The following TMEM26 variants were observed in gnomAD, a reference collection of about 807,000 sequenced individuals.
TMEM26 encodes transmembrane protein 26.
TMEM26 carries 38 observed loss-of-function variants against 28.8 expected under a neutral mutation model. The observed-to-expected ratio is 1.32, with a 90% CI of 1.02 to 1.73. The LOEUF (loss-of-function observed/expected upper bound fraction) is 1.73, where lower values mean the gene tolerates loss of function less well. Among genes scored for constraint, TMEM26 ranks in the 40% most tolerant of loss-of-function variants. TMEM26 has a pLI of 0.00. For missense variants in TMEM26, 518 were observed against 447.1 expected (o/e 1.16, Z -1.43); for synonymous variants, 227 against 182.9 (o/e 1.24, Z -1.95).
At chr10:61,439,929 C>A (rs1240939023) in intron 1 of TMEM26, among the ~76,000 whole-genome samples, 1 of 152,134 alleles carries the variant, frequency 6.6e-6, no homozygotes, top group Non-Finnish European at 1.5e-5. Context: ...TATTTTTAAA[C>A]CATGATTCTC....
intron 5 of TMEM26, chr10:61,412,825 TG>T: frequency 1.8e-6 from 1 of 562,040 alleles, no homozygotes; most frequent in Non-Finnish European, 2.7e-6. Flanking sequence ...GGTCCCCTGT[TG>T]AACAATGCAG....
rs1354373360 is a variant in TMEM26, at chr10:61,407,329, T to G, written c.*2993A>C. The G allele has an allele frequency of 1.3e-5, 2 of 152,180 alleles. No individual in the cohort carries two copies. Among genetic ancestry groups the G allele is most frequent in the Non-Finnish European group, 2.9e-5 (2 of 68,018 alleles). The allele number at this position is 152,180 out of a possible 1,614,324, so 9.4% of individuals were successfully genotyped here. ...CCTTGGCCATATCTATATGGTTCTATAAGGTCTGAAGTGCTATTTGTTAGT... is the reference window on the plus strand; with the variant it reads ...CCTTGGCCATATCTATATGGTTCTAGAAGGTCTGAAGTGCTATTTGTTAGT... On this transcript the variant is annotated 3_prime_UTR_variant, in exon 6 of 6. Coordinates refer to ENST00000399298, the MANE Select transcript of TMEM26 (RefSeq NM_178505.8).
chr10:61,415,789 A>T (rs1039741633), intron 4 of TMEM26, among the ~76,000 whole-genome samples: 2 of 152,066 alleles, frequency 1.3e-5, no homozygotes, highest in Non-Finnish European at 2.9e-5. Flanking sequence ...TAGGAGAAAC[A>T]TTTATAAAGT....
At chr10:61,422,753 T>G (rs928640637) in intron 4 of TMEM26, among the ~76,000 whole-genome samples, 1 of 151,894 alleles carries the variant, frequency 6.6e-6, no homozygotes, top group Non-Finnish European at 1.5e-5. Flanking sequence ...AGTTTCCATC[T>G]GAAGAAATTA....
At chr10:61,446,303 A>G (rs1840179488) in intron 1 of TMEM26, among the ~76,000 whole-genome samples, 9 of 152,176 alleles carry the variant, frequency 5.9e-5, no homozygotes, top group Admixed American at 5.9e-4. Context: ...GCTTCCCAAA[A>G]TGATGCACAT....
chr10:61,426,911 T>C (rs997364682), intron 4 of TMEM26, among the ~76,000 whole-genome samples: 1 of 152,000 alleles, frequency 6.6e-6, no homozygotes, highest in Non-Finnish European at 1.5e-5. Context: ...AATCAGAACA[T>C]GGAAGCTAAT....
chr10:61,430,616 G>C (rs1839905915), intron 3 of TMEM26, among the ~76,000 whole-genome samples: 1 of 150,072 alleles, frequency 6.7e-6, no homozygotes, highest in African/African-American at 2.4e-5. Context: ...TTTATAGCAA[G>C]GTTGTGGGAT....
rs1457496603 is a variant in TMEM26, at chr10:61,428,932, T to G, written c.599A>C (p.Asn200Thr). 3 of 1,612,764 alleles carry G rather than the reference T, an allele frequency of 1.9e-6. No homozygotes were observed. In the African/African-American group the frequency reaches 4.0e-5, roughly 22 times the overall value. ...EFTSETLEEQ[N>T]VRNSPALVYA... Reference sequence around the variant, plus strand: ...TGCTGCAAGGAATGCTCACCTCACATTTTGTTCTTCTAGGGTCTCACTTGT... The same window carrying G: ...TGCTGCAAGGAATGCTCACCTCACAGTTTGTTCTTCTAGGGTCTCACTTGT... The change falls in exon 4 of 6, where the codon AAT (asparagine) becomes ACT (threonine). Residue 200 changes from asparagine to threonine, a missense_variant. Coordinates refer to ENST00000399298, the MANE Select transcript of TMEM26 (RefSeq NM_178505.8).
At chr10:61,443,617 G>A (rs1206324827) in intron 1 of TMEM26, among the ~76,000 whole-genome samples, 1 of 152,124 alleles carries the variant, frequency 6.6e-6, no homozygotes, top group Non-Finnish European at 1.5e-5. Context: ...TATTTCCGAA[G>A]CCCTTGAAGA....
chr10:61,449,961 T>C (rs1236110354), intron 1 of TMEM26, among the ~76,000 whole-genome samples: 2 of 152,142 alleles, frequency 1.3e-5, no homozygotes, highest in African/African-American at 4.8e-5. Context: ...TCCTTGAGTT[T>C]AGTGGTTAAA....
chr10:61,416,140 TGAG>T (rs760971572), intron 4 of TMEM26: 5 of 446,380 alleles, frequency 1.1e-5, no homozygotes, highest in South Asian at 8.1e-5. Context: ...AAAAAGTTGT[TGAG>T]GATATTTTCA....
rs1173608285 is a variant in TMEM26, at chr10:61,415,018, CT to C, written c.606-1484del. 1.9e-5 allele frequency: 19 copies of C among 985,234 alleles called. No individual in the cohort carries two copies. The African/African-American group carries it at 3.1e-4, about 16-fold the overall frequency. 61.0% of individuals were successfully genotyped at this position (985,234 alleles called of 1,614,324 possible). The stretch of plus-strand genomic sequence containing the variant: ...GTTGTTGAAGGCTGTGCTTTTGATT[CT>C]TTTCTACTTCACATTTTATCATGAC... On this transcript the variant is annotated intron_variant, in intron 4 of 5. Transcript: ENST00000399298.
At chr10:61,450,496 GC>G (rs1216340270) in intron 1 of TMEM26, among the ~76,000 whole-genome samples, 8 of 152,058 alleles carry the variant, frequency 5.3e-5, no homozygotes, top group Non-Finnish European at 1.5e-5. Flanking sequence ...TAGTGTGTGG[GC>G]TTTTTCCACC....
chr10:61,413,632 C>G, intron 4 of TMEM26, 97 bp from the exon 5 acceptor site: 1 of 1,360,888 alleles, frequency 7.3e-7, no homozygotes, highest in Non-Finnish European at 9.5e-7. Context: ...CCTAATAAAC[C>G]TCTTGTGGCC....
intron 4 of TMEM26, among the ~76,000 whole-genome samples, chr10:61,415,594 T>C (rs887248809): frequency 6.6e-6 from 1 of 152,042 alleles, no homozygotes; most frequent in East Asian, 1.9e-4. Context: ...TTGAGGAAAT[T>C]TGTCCAAAAT....
intron 1 of TMEM26, among the ~76,000 whole-genome samples, chr10:61,436,688 G>T (rs1048765815): frequency 2.6e-5 from 4 of 152,238 alleles, no homozygotes; most frequent in African/African-American, 9.6e-5. Context: ...AACTCTGAGA[G>T]CTCAAACAAT....
At chr10:61,428,163 C>T (rs1164008116) in intron 4 of TMEM26, among the ~76,000 whole-genome samples, 1 of 152,006 alleles carries the variant, frequency 6.6e-6, no homozygotes, top group Non-Finnish European at 1.5e-5. Flanking sequence ...CATTAAAAGC[C>T]AGACTCATTC....
chr10:61,452,806 G>C, intron 1 of TMEM26, 85 bp downstream of exon 1: 1 of 1,464,966 alleles, frequency 6.8e-7, no homozygotes, highest in Non-Finnish European at 9.4e-7. Context: ...TAGAATCTGC[G>C]GGTTGCGGGA....
At chr10:61,413,239 A>G (rs973020563) in intron 5 of TMEM26, among the ~76,000 whole-genome samples, 4 of 151,722 alleles carry the variant, frequency 2.6e-5, no homozygotes, top group Non-Finnish European at 5.9e-5. Flanking sequence ...ATATAACACT[A>G]TGCAATTATC....
Sources: gnomAD v4.1 joint callset for allele counts (sites outside exome capture counted in the v4.1 genomes callset) on GRCh38, gnomAD v4.1.1 for gene constraint, MANE v1.5 for transcripts, NCBI Gene and HGNC (gene_info 2026-07-23, HGNC 2026-07-21) for gene names.